RTL6: variants seen among roughly 807,000 people sequenced by gnomAD.
RTL6 encodes retrotransposon Gag-like protein 6.
RTL6 carries 9 observed loss-of-function variants against 12.4 expected under a neutral mutation model. That is an observed-to-expected ratio of 0.73 (90% CI 0.44 to 1.27). The LOEUF (loss-of-function observed/expected upper bound fraction) is 1.27. Among genes scored for constraint, RTL6 ranks in the 50% most tolerant of loss-of-function variants. The pLI is 0.00. For missense variants in RTL6, 291 were observed against 330.7 expected, an observed-to-expected ratio of 0.88 and a Z score of 0.93; for synonymous variants, 160 against 142.8, an observed-to-expected ratio of 1.12 and a Z score of -0.86.
In RTL6 at chr22:44,496,819, C is replaced by A; in HGVS notation, c.*18G>T. ...GCTACCTGGGTGGCTGCAGACGCTA[C>A]CAAGTGCTGGCGGATTCTTAAAGAT... On this transcript the variant is annotated 3_prime_UTR_variant, in exon 2 of 2. Coordinates refer to ENST00000341255, the MANE Select transcript of RTL6 (RefSeq NM_032287.3). 6.5e-7 allele frequency: 1 copy of A among 1,536,858 alleles called. No homozygotes were observed. The highest frequency in any genetic ancestry group is 8.8e-7 in the Non-Finnish European group (1 of 1,142,272).
chr22:44,496,784 A>T lies in RTL6; in HGVS notation c.*53T>A, dbSNP rs1207639815. 5.3e-6 allele frequency: 8 copies of T among 1,516,776 alleles called. No individual in the cohort carries two copies. The highest frequency in any genetic ancestry group is 7.0e-6 in the Non-Finnish European group (8 of 1,134,784). The allele number at this position is 1,516,776 out of a possible 1,614,324, so 94.0% of individuals were successfully genotyped here. A position where few individuals can be genotyped will look rare whatever the true frequency, so the allele number is the denominator to read the frequency against. Reference sequence around the variant, plus strand: ...GTATGGGCATTTCTTCTACACAGCAAAGAGCGTATGCTACCTGGGTGGCTG... The same window carrying T: ...GTATGGGCATTTCTTCTACACAGCATAGAGCGTATGCTACCTGGGTGGCTG... On this transcript the variant is annotated 3_prime_UTR_variant, in exon 2 of 2. Transcript: ENST00000341255.
At position 44,497,562 on chromosome 22, in the gene RTL6, C is replaced by T. The variant is rs765780784; in HGVS notation, c.-6G>A. 3.3e-4 allele frequency: 534 copies of T among 1,612,362 alleles called. 4 individuals are homozygous for T. The Admixed American group carries it at 8.8e-3, about 27-fold the overall frequency. ...GACGTCTGCGGCTGCACCATGCTGG[C>T]CAGAGGTCAGCCACACGCTGAGATC... On this transcript the variant is annotated 5_prime_UTR_variant, in exon 2 of 2. Coordinates refer to ENST00000341255, the MANE Select transcript of RTL6 (RefSeq NM_032287.3).
At position 44,494,724 on chromosome 22, in the gene RTL6, T is replaced by C. The variant is rs3827400; in HGVS notation, c.*2113A>G. On this transcript the variant is annotated 3_prime_UTR_variant, in exon 2 of 2. Coordinates refer to ENST00000341255, the MANE Select transcript of RTL6 (RefSeq NM_032287.3). ...GACAGGGAGCGTGGCCGGCCTTTCC[T>C]AGGCAGCTGTAGGATGTGAAGCAGC... 75,824 of 152,048 alleles carry C rather than the reference T, an allele frequency of 0.5. 19,071 individuals are homozygous for C. The highest frequency in any genetic ancestry group is 0.52 in the Non-Finnish European group (35,420 of 68,206). 9.4% of individuals were successfully genotyped at this position (152,048 alleles called of 1,614,324 possible). A position where few individuals can be genotyped will look rare whatever the true frequency, so the allele number is the denominator to read the frequency against.
At position 44,497,251 on chromosome 22, in the gene RTL6, G is replaced by C. The variant is rs377211924; in HGVS notation, c.306C>G (p.Pro102=). Residue 102 remains proline, a synonymous_variant, in exon 2 of 2, where the codon CCC becomes CCG. Coordinates refer to ENST00000341255, the MANE Select transcript of RTL6 (RefSeq NM_032287.3). The part of the protein sequence containing the change: ...RPMTTPPTSL[P]EPFSGDPGRL... ...GGCCTGGGTCCCCGGAAAAGGGCTC[G>C]GGCAGAGAGGTTGGAGGTGTGGTCA... 1.2e-6 allele frequency: 2 copies of C among 1,614,220 alleles called. No individual in the cohort carries two copies. Among genetic ancestry groups the C allele is most frequent in the Non-Finnish European group, 1.7e-6 (2 of 1,180,038 alleles).
In RTL6 at chr22:44,495,843, G is replaced by C. The variant is rs1924431643; in HGVS notation, c.*994C>G. On this transcript the variant is annotated 3_prime_UTR_variant, in exon 2 of 2. Transcript: ENST00000341255. ...GTGAAGGCCACATGGCACCTGAATA[G>C]AGATGGGAACAGGTCTCAAGCTGGG... 6.6e-6 allele frequency: 1 copy of C among 152,422 alleles called. No homozygotes were observed. The highest frequency in any genetic ancestry group is 2.4e-5 in the African/African-American group (1 of 41,468). The allele number at this position is 152,422 out of a possible 1,614,324, so 9.4% of individuals were successfully genotyped here. A position where few individuals can be genotyped will look rare whatever the true frequency, so the allele number is the denominator to read the frequency against.
In RTL6 at chr22:44,497,468, G is replaced by A. The variant is rs777519280; in HGVS notation, c.89C>T (p.Thr30Ile). The change falls in exon 2 of 2, where the codon ACC becomes ATC. Residue 30 changes from threonine to isoleucine, a missense_variant. Around this residue, in one of 3 missense-constraint regions of RTL6, gnomAD observed 155 missense variants for 149.2 expected, o/e 1.04. Coordinates refer to ENST00000341255, the MANE Select transcript of RTL6 (RefSeq NM_032287.3). ...AQMDDVIDTL[T>I]SLRLTNSALR... is the part of the protein sequence containing the mutation. ...CGCCGAGTTGGTGAGGCGCAGGGAG[G>A]TCAGGGTGTCAATAACGTCATCCAT... 13 of 1,614,100 alleles carry A rather than the reference G, an allele frequency of 8.1e-6. No homozygotes were observed. In the Admixed American group the frequency reaches 1.5e-4, roughly 19 times the overall value.
rs1400675654 is a variant in RTL6 at position 44,497,519 on chromosome 22, G to A, written c.38C>T (p.Ala13Val). ...QPQTSKAESP[A>V]LAASPNAQMD... ...CTGGGCATTCGGAGACGCTGCCAAG[G>A]CTGGGCTTTCAGCTTTGGACGTCTG... Residue 13 changes from alanine (A) to valine (V), a missense_variant, in exon 2 of 2, where the codon GCC becomes GTC. This residue lies in a region of RTL6 where 155 missense variants were observed against 149.2 expected (regional missense o/e 1.04). Coordinates refer to ENST00000341255, the MANE Select transcript of RTL6 (RefSeq NM_032287.3). 3 of 1,613,990 alleles carry A rather than the reference G, an allele frequency of 1.9e-6. No homozygotes were observed. Among genetic ancestry groups the A allele is most frequent in the Non-Finnish European group, 1.7e-6 (2 of 1,180,044 alleles).
Position 44,497,810 on chromosome 22 carries a change from C to A in RTL6, c.-254G>T. ...GACGGGTGGCTGGACCTGCTCTGGG[C>A]CCTGGAGGATTAAGAAAAGATGTTT... On this transcript the variant is annotated splice_region_variant and 5_prime_UTR_variant, in exon 2 of 2. Transcript: ENST00000341255. 1.9e-6 allele frequency: 1 copy of A among 524,778 alleles called. No homozygotes were observed. The highest frequency in any genetic ancestry group is 3.4e-6 in the Non-Finnish European group (1 of 290,466). 32.5% of individuals were successfully genotyped at this position (524,778 alleles called of 1,614,324 possible).
chr22:44,497,698 A>G lies in RTL6; in HGVS notation c.-142T>C. 8.6e-7 allele frequency: 1 copy of G among 1,165,518 alleles called. No individual in the cohort carries two copies. The highest frequency in any genetic ancestry group is 1.2e-6 in the Non-Finnish European group (1 of 838,914). 72.2% of individuals were successfully genotyped at this position (1,165,518 alleles called of 1,614,324 possible). A position where few individuals can be genotyped will look rare whatever the true frequency, so the allele number is the denominator to read the frequency against. The stretch of plus-strand genomic sequence containing the variant: ...GAGACCCCCAAGCCGAGGGCCCGAG[A>G]GAGGGGCACGCGGTGCCAGGCCCTA... On this transcript the variant is annotated 5_prime_UTR_variant, in exon 2 of 2. Transcript: ENST00000341255.
rs1924341037 is a variant in RTL6 at position 44,492,850 on chromosome 22, A to C, written c.*3987T>G. On this transcript the variant is annotated 3_prime_UTR_variant, in exon 2 of 2. Coordinates refer to ENST00000341255, the MANE Select transcript of RTL6 (RefSeq NM_032287.3). Reference sequence around the variant, plus strand: ...TGTTTATCCTTGCTGGTGGCAGTGTAAGGGGATACAAATATTTCCGGAAAC... The same window carrying C: ...TGTTTATCCTTGCTGGTGGCAGTGTCAGGGGATACAAATATTTCCGGAAAC... The C allele has an allele frequency of 6.6e-6, 1 of 152,226 alleles. No individual in the cohort carries two copies. The highest frequency in any genetic ancestry group is 2.4e-5 in the African/African-American group (1 of 41,462). The allele number at this position is 152,226 out of a possible 1,614,324, so 9.4% of individuals were successfully genotyped here. A position where few individuals can be genotyped will look rare whatever the true frequency, so the allele number is the denominator to read the frequency against.
rs367767958 is a variant in RTL6, at chr22:44,497,112, C to T, written c.445G>A (p.Glu149Lys). ...FLVSRLTGEA[E>K]KWAIPHMQPD... ...TGCATGTGGGGGATAGCCCACTTCT[C>T]CGCCTCCCCAGTCAGTCGAGACACA... The change falls in exon 2 of 2, where the codon GAG (glutamate) becomes AAG (lysine). Residue 149 changes from glutamate (E) to lysine (K), a missense_variant. By Grantham distance (56) the Glu-to-Lys change is moderately conservative (BLOSUM62 1). Transcript: ENST00000341255. 1 of 1,614,192 alleles carries T rather than the reference C, an allele frequency of 6.2e-7. No individual in the cohort carries two copies. The highest frequency in any genetic ancestry group is 8.5e-7 in the Non-Finnish European group (1 of 1,180,022).
At position 44,497,827 on chromosome 22, in the gene RTL6, A is replaced by G. The variant is rs1015823142; in HGVS notation, c.-255-16T>C. On this transcript the variant is annotated splice_polypyrimidine_tract_variant and intron_variant, in intron 1 of 1. Coordinates refer to ENST00000341255, the MANE Select transcript of RTL6 (RefSeq NM_032287.3). ...GCTCTGGGCCCTGGAGGATTAAGAA[A>G]AGATGTTTTCAAGGTTTCAGTTGCG... 6 of 463,900 alleles carry G rather than the reference A, an allele frequency of 1.3e-5. No individual in the cohort carries two copies. Among genetic ancestry groups the G allele is most frequent in the African/African-American group, 1.0e-4 (5 of 49,008 alleles). 28.7% of individuals were successfully genotyped at this position (463,900 alleles called of 1,614,324 possible). A position where few individuals can be genotyped will look rare whatever the true frequency, so the allele number is the denominator to read the frequency against.
In RTL6 at chr22:44,492,632, T is replaced by G. The variant is rs1156879479; in HGVS notation, c.*4205A>C. 6.6e-6 allele frequency: 1 copy of G among 152,162 alleles called. No homozygotes were observed. Among genetic ancestry groups the G allele is most frequent in the East Asian group, 1.9e-4 (1 of 5,192 alleles). The allele number at this position is 152,162 out of a possible 1,614,324, so 9.4% of individuals were successfully genotyped here. A position where few individuals can be genotyped will look rare whatever the true frequency, so the allele number is the denominator to read the frequency against. The stretch of plus-strand genomic sequence containing the variant: ...TAATATATACCGAGCTCATACAAAT[T>G]TATCTGACCCCAGAAGATAGAGCAA... On this transcript the variant is annotated 3_prime_UTR_variant, in exon 2 of 2. Transcript: ENST00000341255.
At position 44,497,173 on chromosome 22, in the gene RTL6, G is replaced by T. The variant is rs772554624; in HGVS notation, c.384C>A (p.Ser128=). 1.2e-6 allele frequency: 2 copies of T among 1,613,936 alleles called. No individual in the cohort carries two copies. The highest frequency in any genetic ancestry group is 1.7e-6 in the Non-Finnish European group (2 of 1,179,844). The change falls in exon 2 of 2, where the codon TCC becomes TCA. Residue 128 remains serine, a synonymous_variant. Transcript: ENST00000341255. ...CACGCTCGGCCTCACCCGGGAAGCG[G>T]GAGGCCTGGAAGATCATGAATCTGT... ...QMDRFMIFQA[S]RFPGEAERVA... is the part of the protein sequence containing the mutation.
Position 44,497,639 on chromosome 22 carries a change from G to A in RTL6, c.-83C>T, listed in dbSNP as rs2147404362. 3 of 1,506,534 alleles carry A rather than the reference G, an allele frequency of 2.0e-6. No homozygotes were observed. Among genetic ancestry groups the A allele is most frequent in the Non-Finnish European group, 2.7e-6 (3 of 1,123,244 alleles). 93.3% of individuals were successfully genotyped at this position (1,506,534 alleles called of 1,614,324 possible). On this transcript the variant is annotated 5_prime_UTR_variant, in exon 2 of 2. Transcript: ENST00000341255. ...ACCAGGTGGGCCCCTGTAGAAATGG[G>A]GGCAGTGTGGGGTGCACGACGGCAG...
rs575860150 is a variant in RTL6 at position 44,494,841 on chromosome 22, T to G, written c.*1996A>C. 6.6e-6 allele frequency: 1 copy of G among 152,446 alleles called. No homozygotes were observed. The highest frequency in any genetic ancestry group is 1.5e-5 in the Non-Finnish European group (1 of 68,076). The allele number at this position is 152,446 out of a possible 1,614,324, so 9.4% of individuals were successfully genotyped here. On this transcript the variant is annotated 3_prime_UTR_variant, in exon 2 of 2. Transcript: ENST00000341255. ...CAGCAGAGTTCCCACCCTGCTTCCA[T>G]GCTGGGCTGGGCCACATGGAAACCT...
rs1924343989 is a variant in RTL6 at position 44,492,970 on chromosome 22, G to A, written c.*3867C>T. 6.6e-6 allele frequency: 1 copy of A among 152,126 alleles called. No homozygotes were observed. The allele number at this position is 152,126 out of a possible 1,614,324, so 9.4% of individuals were successfully genotyped here. A position where few individuals can be genotyped will look rare whatever the true frequency, so the allele number is the denominator to read the frequency against. On this transcript the variant is annotated 3_prime_UTR_variant, in exon 2 of 2. Coordinates refer to ENST00000341255, the MANE Select transcript of RTL6 (RefSeq NM_032287.3). ...GAGTCTACCCTAATAACTTGACATT[G>A]GGAAACAGCCTGTGCACAAAGATAT...
At position 44,494,205 on chromosome 22, in the gene RTL6, T is replaced by C. The variant is rs1924379809; in HGVS notation, c.*2632A>G. On this transcript the variant is annotated 3_prime_UTR_variant, in exon 2 of 2. Coordinates refer to ENST00000341255, the MANE Select transcript of RTL6 (RefSeq NM_032287.3). ...ACAGAACTTTCCTTCACATGCACTG[T>C]TGAACACTACTGCCTGTCCCTTTTA... 1 of 152,286 alleles carries C rather than the reference T, an allele frequency of 6.6e-6. No individual in the cohort carries two copies. Among genetic ancestry groups the C allele is most frequent in the South Asian group, 2.1e-4 (1 of 4,832 alleles). 9.4% of individuals were successfully genotyped at this position (152,286 alleles called of 1,614,324 possible). A position where few individuals can be genotyped will look rare whatever the true frequency, so the allele number is the denominator to read the frequency against.
Position 44,497,047 on chromosome 22 carries a change from C to G in RTL6, c.510G>C (p.Leu170=). The change falls in exon 2 of 2, where the codon CTG becomes CTC. Residue 170 remains leucine, a synonymous_variant. Coordinates refer to ENST00000341255, the MANE Select transcript of RTL6 (RefSeq NM_032287.3). Reference sequence around the variant, plus strand: ...ACTTGTAGGTTCTCCGCAACTCTGCCAGGAACCCCTGATAGTTGTTGCGCA... The same window carrying G: ...ACTTGTAGGTTCTCCGCAACTCTGCGAGGAACCCCTGATAGTTGTTGCGCA... ...SPLRNNYQGF[L]AELRRTYKSP... The G allele has an allele frequency of 6.2e-7, 1 of 1,614,110 alleles. No homozygotes were observed. Among genetic ancestry groups the G allele is most frequent in the Non-Finnish European group, 8.5e-7 (1 of 1,180,018 alleles).
Sources: gnomAD v4.1 joint callset for allele counts on GRCh38, gnomAD v4.1.1 for gene constraint, gnomAD v4.1.1 regional missense constraint, MANE v1.5 for transcripts, NCBI Gene and HGNC (gene_info 2026-07-23, HGNC 2026-07-21) for gene names.